PDE8B: variants seen among roughly 807,000 people sequenced by gnomAD.
PDE8B encodes high affinity cAMP-specific and IBMX-insensitive 3',5'-cyclic phosphodiesterase 8B.
PDE8B carries 26 observed loss-of-function variants against 101.3 expected under a neutral mutation model. That is an observed-to-expected ratio of 0.26 (90% confidence interval 0.19 to 0.36). The LOEUF (loss-of-function observed/expected upper bound fraction) is 0.36, where lower values mean the gene tolerates loss of function less well. Ranked by LOEUF, PDE8B falls within the 10% of genes least tolerant of loss-of-function variation. PDE8B has a pLI of 1.00. For synonymous variants in PDE8B, 424 were observed against 429.3 expected (o/e 0.99, Z 0.15); for missense variants, 810 against 1,163.1 (o/e 0.70, Z 4.42).
chr5:77,101,193 A>G, the PDE8B span, among the ~76,000 whole-genome samples: 21 of 146,906 alleles, frequency 1.4e-4, no homozygotes, highest in Non-Finnish European at 2.7e-4. Flanking sequence ...CTGGTCTTGA[A>G]CTCCTGGGCT....
chr5:77,244,050 TCCACCACCA>T (rs199522966), intron 1 of PDE8B, among the ~76,000 whole-genome samples: 5 of 151,510 alleles, frequency 3.3e-5, no homozygotes, highest in Admixed American at 6.6e-5. Flanking sequence ...AAGAAGACAC[TCCACCACCA>T]CCACCACCAC....
chr5:77,223,227 TC>T (rs1751571092), intron 1 of PDE8B, among the ~76,000 whole-genome samples: 1 of 152,136 alleles, frequency 6.6e-6, no homozygotes, highest in African/African-American at 2.4e-5. Context: ...TTACATTCTT[TC>T]TTTTTTTATT....
chr5:77,281,899 C>T (rs1489629565), intron 1 of PDE8B, among the ~76,000 whole-genome samples: 1 of 152,174 alleles, frequency 6.6e-6, no homozygotes, highest in Non-Finnish European at 1.5e-5. Flanking sequence ...AACTGGACTA[C>T]CTGGTATATG....
chr5:77,100,573 G>C, the PDE8B span, among the ~76,000 whole-genome samples: 2 of 152,320 alleles, frequency 1.3e-5, no homozygotes, highest in African/African-American at 4.8e-5. Flanking sequence ...CAGATCCGGT[G>C]GGAGGGGATA....
At chr5:77,387,596 T>C (rs544420016) in intron 10 of PDE8B, among the ~76,000 whole-genome samples, 2 of 152,322 alleles carry the variant, frequency 1.3e-5, no homozygotes, top group African/African-American at 2.4e-5. Context: ...GTGTTCTCTG[T>C]AATTCCTGAA....
chr5:77,366,958 G>C (rs1391654549), intron 10 of PDE8B, among the ~76,000 whole-genome samples: 1 of 152,078 alleles, frequency 6.6e-6, no homozygotes, highest in Non-Finnish European at 1.5e-5. Context: ...GGCCCAAGTA[G>C]GCCCTCCAGA....
At chr5:77,349,393 G>C in intron 7 of PDE8B, 26 bp from the exon 8 acceptor site, 1 of 1,613,848 alleles carries the variant, frequency 6.2e-7, no homozygotes, top group Non-Finnish European at 8.5e-7. Context: ...TCCCCGCACT[G>C]ATCTGTACCA....
the PDE8B span, among the ~76,000 whole-genome samples, chr5:77,162,109 A>G: frequency 6.6e-6 from 1 of 152,016 alleles, no homozygotes; most frequent in African/African-American, 2.4e-5. Flanking sequence ...CCAATGTATG[A>G]GAATCAATTG....
chr5:77,196,184 C>T, the PDE8B span, among the ~76,000 whole-genome samples: 2 of 152,054 alleles, frequency 1.3e-5, no homozygotes, highest in South Asian at 4.2e-4. Context: ...TGACCCATAC[C>T]GAATATATGA....
chr5:77,349,514 G>A lies in PDE8B; in HGVS notation c.972G>A (p.Arg324=). 6.2e-7 allele frequency: 1 copy of A among 1,614,150 alleles called. No homozygotes were observed. The highest frequency in any genetic ancestry group is 1.3e-5 in the African/African-American group (1 of 75,044). The stretch of plus-strand genomic sequence containing the variant: ...ATCTGCCCAAAAGCGATAAGAACCG[G>A]GCAGACCTTCTCGACACCATCAATA... ...LADLPKSDKN[R]ADLLDTINTC... is the part of the protein sequence containing the mutation. Residue 324 remains arginine, a synonymous_variant, in exon 8 of 22, where the codon CGG becomes CGA. Coordinates refer to ENST00000264917, the MANE Select transcript of PDE8B (RefSeq NM_003719.5).
intron 1 of PDE8B, among the ~76,000 whole-genome samples, chr5:77,239,606 G>A (rs768064529): frequency 2.6e-5 from 4 of 152,100 alleles, no homozygotes; most frequent in African/African-American, 4.8e-5. Context: ...GATAATTTTA[G>A]TGTGGAAAAT....
At position 77,211,227 on chromosome 5, in the gene PDE8B, C is replaced by G. The variant is rs774682109; in HGVS notation, c.302C>G (p.Ala101Gly). The G allele has an allele frequency of 6.4e-7, 1 of 1,573,798 alleles. No individual in the cohort carries two copies. Among genetic ancestry groups the G allele is most frequent in the Non-Finnish European group, 8.6e-7 (1 of 1,168,312 alleles). ...RGRRRHCCSS[A>G]EAETQTCYTS... ...CGGAGGCGCCACTGCTGCAGCAGCGCCGAGGCCGAGACTCAGACCTGCTAC... is the reference window on the plus strand; with the variant it reads ...CGGAGGCGCCACTGCTGCAGCAGCGGCGAGGCCGAGACTCAGACCTGCTAC... Residue 101 changes from alanine to glycine, a missense_variant, in exon 1 of 22, where the codon GCC (alanine) becomes GGC (glycine). Ala to Gly is a moderately conservative substitution (Grantham distance 60, BLOSUM62 0). Transcript: ENST00000264917. This position sits in a 1 kb window ranked among gnomAD's most constrained non-coding sequence, Gnocchi z 4.1.
At chr5:77,200,563 T>TC in the PDE8B span, among the ~76,000 whole-genome samples, 1 of 151,990 alleles carries the variant, frequency 6.6e-6, no homozygotes, top group Non-Finnish European at 1.5e-5. Context: ...GGCTTTTTTT[T>TC]AAAAAATTTT....
At chr5:77,395,265 C>T (rs376327628) in intron 10 of PDE8B, among the ~76,000 whole-genome samples, 40 of 150,646 alleles carry the variant, frequency 2.7e-4, no homozygotes, top group East Asian at 1.8e-3. Context: ...TACAGGCACC[C>T]GCCACCACAC....
chr5:77,164,359 A>G, the PDE8B span, among the ~76,000 whole-genome samples: 1 of 152,204 alleles, frequency 6.6e-6, no homozygotes. Flanking sequence ...ATGCGATAAT[A>G]AATGTGATGG....
At chr5:77,215,116 A>T (rs552302243) in intron 1 of PDE8B, among the ~76,000 whole-genome samples, 4 of 152,134 alleles carry the variant, frequency 2.6e-5, no homozygotes, top group Non-Finnish European at 4.4e-5. Flanking sequence ...TTGGCTAAAA[A>T]GTCTGTAAGT....
intron 10 of PDE8B, among the ~76,000 whole-genome samples, chr5:77,393,595 C>T (rs940572756): frequency 2.0e-5 from 3 of 152,292 alleles, no homozygotes; most frequent in Middle Eastern, 3.4e-3. Context: ...TCTCACTATA[C>T]TTGGCCTAAT....
rs1757020748 is a variant in PDE8B, at chr5:77,246,686, G to A, written c.339+35422G>A. ...GAATAGTTGTGACAGAGACCAAATG[G>A]CCTGCAAACCCAAAAATATTTACTG... On this transcript the variant is annotated intron_variant, in intron 1 of 21. Coordinates refer to ENST00000264917, the MANE Select transcript of PDE8B (RefSeq NM_003719.5). The A allele has an allele frequency of 1.3e-5, 2 of 152,164 alleles. 1 individual carries two copies. Among genetic ancestry groups the A allele is most frequent in the Admixed American group, 1.3e-4 (2 of 15,272 alleles). The allele number at this position is 152,164 out of a possible 1,614,324, so 9.4% of individuals were successfully genotyped here.
chr5:77,394,057 A>C (rs907344265), intron 10 of PDE8B, among the ~76,000 whole-genome samples: 7 of 152,252 alleles, frequency 4.6e-5, no homozygotes, highest in Non-Finnish European at 7.3e-5. Context: ...ATTCTTACTG[A>C]ATTTATGCAA....
Sources: allele counts gnomAD v4.1 joint callset (sites outside exome capture counted in the v4.1 genomes callset), GRCh38; gene constraint gnomAD v4.1.1; non-coding constraint Gnocchi (gnomAD v3.1); transcripts MANE v1.5; gene names NCBI Gene and HGNC (gene_info 2026-07-23, HGNC 2026-07-21).